PTPRD: variants seen among roughly 807,000 people sequenced by gnomAD.
PTPRD encodes the protein protein tyrosine phosphatase receptor type D.
A neutral mutation model predicts 214.5 loss-of-function variants in PTPRD; 34 were observed. The observed-to-expected ratio is 0.16, with a 90% CI of 0.12 to 0.21. PTPRD has a LOEUF of 0.21. Ranked by LOEUF, PTPRD falls within the 10% of genes least tolerant of loss-of-function variation. The probability of loss-of-function intolerance (pLI) is 1.00; values close to 1 mark genes in which losing one functional copy is unlikely to be tolerated. For synonymous variants in PTPRD, 1,128 were observed against 845.7 expected, an observed-to-expected ratio of 1.33 and a Z score of -5.79; for missense variants, 2,545 against 2,398.7, an observed-to-expected ratio of 1.06 and a Z score of -1.27.
At chr9:10,309,347 T>G (rs1047144000) in intron 3 of PTPRD, among the ~76,000 whole-genome samples, 1 of 151,962 alleles carries the variant, frequency 6.6e-6, no homozygotes, top group Non-Finnish European at 1.5e-5. Context: ...TTTGTTTTTT[T>G]GTTTTGTTGT....
chr9:10,151,973 G>C (rs1244332990), intron 3 of PTPRD, among the ~76,000 whole-genome samples: 4 of 152,084 alleles, frequency 2.6e-5, no homozygotes, highest in East Asian at 3.9e-4. Flanking sequence ...TTTCAATTTG[G>C]GGCAAGTATG....
At chr9:10,039,659 C>T (rs1174345196) in intron 3 of PTPRD, among the ~76,000 whole-genome samples, 1 of 151,672 alleles carries the variant, frequency 6.6e-6, no homozygotes, top group African/African-American at 2.4e-5. Context: ...GTATGGCCCT[C>T]AGTTTTCTTT....
chr9:10,498,752 G>GAATATCTATTCCCTCAGCAAAA (rs1566536769), intron 2 of PTPRD, among the ~76,000 whole-genome samples: 1 of 61,296 alleles, frequency 1.6e-5, no homozygotes, highest in African/African-American at 5.2e-5. Flanking sequence ...AAACCTTCTT[G>GAATATCTATTCCCTCAGCAAAA]GCCGGGCGCG....
At chr9:8,638,557 C>T (rs56272971) in intron 12 of PTPRD, among the ~76,000 whole-genome samples, 10,528 of 152,172 alleles carry the variant, frequency 0.069, 1,111 homozygotes, top group African/African-American at 0.23. Context: ...CTTCCAGTTT[C>T]AAGGTTTCCT....
intron 4 of PTPRD, among the ~76,000 whole-genome samples, chr9:9,985,332 A>G (rs766225905): frequency 2.8e-4 from 42 of 152,126 alleles, no homozygotes; most frequent in Non-Finnish European, 5.1e-4. Flanking sequence ...TGTATTTGCA[A>G]TCCTTAATAA....
chr9:10,442,901 T>C (rs1222651040), intron 2 of PTPRD, among the ~76,000 whole-genome samples: 1 of 151,490 alleles, frequency 6.6e-6, no homozygotes, highest in Non-Finnish European at 1.5e-5. Context: ...ACTGACAAAT[T>C]ACCCTTTCTT....
chr9:9,342,197 G>A (rs1387158636), intron 9 of PTPRD, among the ~76,000 whole-genome samples: 3 of 152,158 alleles, frequency 2.0e-5, no homozygotes, highest in Non-Finnish European at 4.4e-5. Context: ...ATTGACAGAT[G>A]TTGTGGTCAA....
chr9:9,892,255 T>C (rs551620137), intron 5 of PTPRD, among the ~76,000 whole-genome samples: 8 of 151,970 alleles, frequency 5.3e-5, no homozygotes, highest in Non-Finnish European at 1.0e-4. Flanking sequence ...TTAAATAAAA[T>C]AGCCAGATAA....
At chr9:9,472,495 G>A (rs969753155) in intron 8 of PTPRD, among the ~76,000 whole-genome samples, 2 of 151,908 alleles carry the variant, frequency 1.3e-5, no homozygotes, top group Admixed American at 6.5e-5. Flanking sequence ...GAGCCACCAC[G>A]CCCGGCCCCC....
At chr9:10,409,086 A>G (rs1205641421) in intron 2 of PTPRD, among the ~76,000 whole-genome samples, 2 of 151,786 alleles carry the variant, frequency 1.3e-5, no homozygotes, top group Non-Finnish European at 2.9e-5. Context: ...AGGGTTTCAC[A>G]TTTTTAAGGG....
At chr9:9,624,720 A>T (rs574780053) in intron 7 of PTPRD, among the ~76,000 whole-genome samples, 1 of 152,156 alleles carries the variant, frequency 6.6e-6, no homozygotes, top group Non-Finnish European at 1.5e-5. Context: ...GATCGATTTA[A>T]TATTATCAAA....
At chr9:9,126,447 T>C (rs1158367812) in intron 10 of PTPRD, among the ~76,000 whole-genome samples, 2 of 152,204 alleles carry the variant, frequency 1.3e-5, no homozygotes, top group African/African-American at 2.4e-5. Context: ...TGAAACGACA[T>C]ACAATGAAAC....
chr9:9,899,969 A>G (rs954394328), intron 5 of PTPRD, among the ~76,000 whole-genome samples: 1 of 152,090 alleles, frequency 6.6e-6, no homozygotes, highest in Non-Finnish European at 1.5e-5. Context: ...ACCTGAAAAA[A>G]GTAGAAGTAA....
intron 11 of PTPRD, among the ~76,000 whole-genome samples, chr9:9,015,822 C>T (rs539076589): frequency 2.0e-4 from 31 of 152,218 alleles, no homozygotes; most frequent in Non-Finnish European, 4.0e-4. Context: ...TTACCATCTT[C>T]CCTGACTTCA....
At chr9:9,234,365 T>G (rs1555050606) in intron 9 of PTPRD, among the ~76,000 whole-genome samples, 1 of 152,176 alleles carries the variant, frequency 6.6e-6, no homozygotes, top group African/African-American at 2.4e-5. Flanking sequence ...GCCCAGCCCA[T>G]GAAACCATTT....
chr9:8,700,486 G>A (rs1364081492), intron 12 of PTPRD: 18 of 152,218 alleles, frequency 1.2e-4, no homozygotes. Flanking sequence ...GAGGTCAGCT[G>A]TTAATAGCAA....
intron 14 of PTPRD, among the ~76,000 whole-genome samples, chr9:8,563,737 T>C (rs1593917787): frequency 6.6e-6 from 1 of 152,232 alleles, no homozygotes; most frequent in East Asian, 1.9e-4. Context: ...TCTCAGCTCA[T>C]TGCAACCTCC....
intron 10 of PTPRD, among the ~76,000 whole-genome samples, chr9:9,114,413 T>C (rs542298184): frequency 6.6e-6 from 1 of 152,272 alleles, no homozygotes; most frequent in South Asian, 2.1e-4. Flanking sequence ...ATTCAGGGCT[T>C]GTACAACATG....
In PTPRD at chr9:8,713,807, G is replaced by C. The variant is rs919164828; in HGVS notation, c.64+19973C>G. The C allele has an allele frequency of 4.6e-6, 7 of 1,534,546 alleles. No individual in the cohort carries two copies. The African/African-American group carries it at 5.5e-5, about 12-fold the overall frequency. On this transcript the variant is annotated intron_variant, in intron 12 of 45. Transcript: ENST00000381196. ...GTCCTGCGCCTTCAGCACAAGCCAC[G>C]ATTCACCACCAAGAGGCCCAACACC...
Sources: gnomAD v4.1 joint callset for allele counts (sites outside exome capture counted in the v4.1 genomes callset) on GRCh38, gnomAD v4.1.1 for gene constraint, MANE v1.5 for transcripts, NCBI Gene and HGNC (gene_info 2026-07-23, HGNC 2026-07-21) for gene names.